The following DRC10 variants were observed in gnomAD, a reference collection of about 807,000 sequenced individuals.
DRC10 encodes IQ domain-containing protein D.
the DRC10 span, among the ~76,000 whole-genome samples, chr12:113,214,084 G>A: frequency 2.0e-5 from 3 of 152,206 alleles, no homozygotes; most frequent in Admixed American, 1.3e-4. Flanking sequence ...GCTTTCTTCC[G>A]AACTCTGTAT....
chr12:113,206,424 T>C, the DRC10 span, among the ~76,000 whole-genome samples: 3 of 152,082 alleles, frequency 2.0e-5, no homozygotes, highest in African/African-American at 7.2e-5. Flanking sequence ...CCTTTGCCTC[T>C]TTTGGGAAGT....
At chr12:113,206,021 C>T in the DRC10 span, 1 of 151,482 alleles carries the variant, frequency 6.6e-6, no homozygotes, top group Admixed American at 6.6e-5. Context: ...TCGAGACTAT[C>T]CTGGCTAACA....
chr12:113,207,603 T>C, the DRC10 span: 1 of 1,614,210 alleles, frequency 6.2e-7, no homozygotes, highest in Non-Finnish European at 8.5e-7. Context: ...CACGGAGCTC[T>C]ATCAGGCTGT....
chr12:113,207,690 C>T, the DRC10 span: 1 of 1,614,102 alleles, frequency 6.2e-7, no homozygotes, highest in South Asian at 1.1e-5. Context: ...GGTTGCTGAG[C>T]AAGAGTCTAA....
chr12:113,203,122 C>A, the DRC10 span: 45 of 423,518 alleles, frequency 1.1e-4, no homozygotes, highest in African/African-American at 9.2e-4. Context: ...GCCTTCTGGG[C>A]GCAAGTGATC....
chr12:113,199,575 T>G, the DRC10 span, among the ~76,000 whole-genome samples: 3 of 152,114 alleles, frequency 2.0e-5, no homozygotes, highest in African/African-American at 4.8e-5. Context: ...GTGGCTTCCA[T>G]CAGATGCTCA....
At chr12:113,207,604 A>G in the DRC10 span, 3 of 1,614,164 alleles carry the variant, frequency 1.9e-6, no homozygotes, top group East Asian at 4.5e-5. Context: ...ACGGAGCTCT[A>G]TCAGGCTGTC....
the DRC10 span, among the ~76,000 whole-genome samples, chr12:113,218,319 T>A: frequency 6.6e-6 from 1 of 152,064 alleles, no homozygotes; most frequent in Non-Finnish European, 1.5e-5. Context: ...TTTTTTTGTA[T>A]TTTTAGTAGA....
chr12:113,217,173 A>G, the DRC10 span, among the ~76,000 whole-genome samples: 1 of 151,802 alleles, frequency 6.6e-6, no homozygotes, highest in Non-Finnish European at 1.5e-5. Context: ...TCAGAAACCA[A>G]CCCCCCAGGA....
At chr12:113,218,073 T>C in the DRC10 span, among the ~76,000 whole-genome samples, 1 of 152,084 alleles carries the variant, frequency 6.6e-6, no homozygotes. Context: ...GGCAGGATAG[T>C]TCCCCACAAC....
At chr12:113,195,742 G>A in the DRC10 span, 1 of 1,613,888 alleles carries the variant, frequency 6.2e-7, no homozygotes. Context: ...ACCATCTCCT[G>A]CTCTGCCTCC....
chr12:113,197,000 G>T, the DRC10 span, among the ~76,000 whole-genome samples: 11 of 152,340 alleles, frequency 7.2e-5, no homozygotes, highest in African/African-American at 2.2e-4. Flanking sequence ...CATCTCAGGT[G>T]CTCAATAAAA....
the DRC10 span, among the ~76,000 whole-genome samples, chr12:113,218,097 AC>A: frequency 6.7e-6 from 1 of 150,280 alleles, no homozygotes; most frequent in African/African-American, 2.5e-5. Flanking sequence ...GAATTTTCTC[AC>A]CCAAAACATC....
the DRC10 span, among the ~76,000 whole-genome samples, chr12:113,203,994 T>C: frequency 3.3e-5 from 5 of 152,052 alleles, no homozygotes; most frequent in Non-Finnish European, 7.4e-5. Flanking sequence ...TAGTCACAGC[T>C]ACTTGGGAGG....
chr12:113,202,234 C>T, the DRC10 span, among the ~76,000 whole-genome samples: 5 of 152,204 alleles, frequency 3.3e-5, no homozygotes, highest in African/African-American at 1.2e-4. Flanking sequence ...GACAAGGTCC[C>T]CCTTTTCTTG....
the DRC10 span, among the ~76,000 whole-genome samples, chr12:113,220,740 G>A: frequency 6.6e-6 from 1 of 152,090 alleles, no homozygotes; most frequent in East Asian, 1.9e-4. Flanking sequence ...GACTCTGCTT[G>A]ACTGTTGTCC....
chr12:113,207,437 C>T, the DRC10 span: 1 of 1,605,694 alleles, frequency 6.2e-7, no homozygotes, highest in Non-Finnish European at 8.5e-7. Context: ...TGAAACAATA[C>T]CTCTGCATTC....
At chr12:113,201,086 C>T in the DRC10 span, among the ~76,000 whole-genome samples, 6 of 152,016 alleles carry the variant, frequency 3.9e-5, no homozygotes, top group African/African-American at 9.7e-5. Flanking sequence ...TTGCAGTGAG[C>T]GGAGATATCA....
At chr12:113,197,955 G>A in the DRC10 span, among the ~76,000 whole-genome samples, 43 of 152,328 alleles carry the variant, frequency 2.8e-4, no homozygotes, top group African/African-American at 9.6e-4. Context: ...GGTGGCTTAC[G>A]CCTGTAATCC....
Sources: allele counts gnomAD v4.1 joint callset (sites outside exome capture counted in the v4.1 genomes callset), GRCh38; gene constraint gnomAD v4.1.1; transcripts MANE v1.5; gene names NCBI Gene and HGNC (gene_info 2026-07-23, HGNC 2026-07-21).